The following ZNF385D variants were observed in gnomAD, a reference collection of about 807,000 sequenced individuals.
ZNF385D encodes the protein zinc finger protein 659.
In ZNF385D, 15 loss-of-function variants were observed where a neutral mutation model predicts 35.8. The observed-to-expected ratio is 0.42, with a 90% CI of 0.28 to 0.64. The LOEUF (loss-of-function observed/expected upper bound fraction) is 0.64. ZNF385D is among the 30% of genes least tolerant of loss of function. The probability of loss-of-function intolerance (pLI) is 0.23; values close to 1 mark genes in which losing one functional copy is unlikely to be tolerated. For missense variants in ZNF385D, 474 were observed against 494.6 expected (o/e 0.96, Z 0.39); for synonymous variants, 212 against 186.8 (o/e 1.13, Z -1.10).
chr3:22,307,684 A>G (rs1234887979), intron 2 of ZNF385D, among the ~76,000 whole-genome samples: 6 of 151,504 alleles, frequency 4.0e-5, no homozygotes, highest in South Asian at 2.1e-4. Context: ...ATATTTATTT[A>G]CTTGTTTGTT....
chr3:21,631,183 T>C (rs752113226), intron 2 of ZNF385D, among the ~76,000 whole-genome samples: 2 of 152,168 alleles, frequency 1.3e-5, no homozygotes, highest in Non-Finnish European at 2.9e-5. Flanking sequence ...AATTTCCTTT[T>C]CCACGCTGCA....
intron 1 of ZNF385D, among the ~76,000 whole-genome samples, chr3:21,747,551 C>A (rs2069837323): frequency 6.6e-6 from 1 of 152,228 alleles, no homozygotes; most frequent in Non-Finnish European, 1.5e-5. Context: ...GACATGACCA[C>A]TGGCAACGAC....
At chr3:22,078,541 T>G (rs994951258) in intron 3 of ZNF385D, among the ~76,000 whole-genome samples, 5 of 152,038 alleles carry the variant, frequency 3.3e-5, no homozygotes, top group African/African-American at 1.2e-4. Flanking sequence ...CAACACTGTA[T>G]GAAGAAAATC....
intron 3 of ZNF385D, among the ~76,000 whole-genome samples, chr3:21,905,205 C>CAAAAAAAAAAGAAAAAAA (rs1699613252): frequency 1.4e-5 from 1 of 69,730 alleles, no homozygotes; most frequent in African/African-American, 5.7e-5. Context: ...ACAAAAAATC[C>CAAAAAAAAAAGAAAAAAA]AAAAAAAAAA....
chr3:21,489,365 A>G (rs942495085), intron 4 of ZNF385D, among the ~76,000 whole-genome samples: 40 of 152,140 alleles, frequency 2.6e-4, no homozygotes, highest in African/African-American at 9.4e-4. Context: ...TGGTCCATAG[A>G]CAGAGAAAGC....
chr3:21,791,038 T>G (rs2071906928), intron 3 of ZNF385D, among the ~76,000 whole-genome samples: 1 of 152,224 alleles, frequency 6.6e-6, no homozygotes, highest in Non-Finnish European at 1.5e-5. Context: ...TAGCGCCATT[T>G]CAGAATAACA....
At position 21,896,576 on chromosome 3, in the gene ZNF385D, G is replaced by A. The variant is rs576763663; in HGVS notation, c.326-231548C>T. On this transcript the variant is annotated intron_variant, in intron 3 of 5. Coordinates refer to the ZNF385D transcript ENST00000494108. ...TTATGAACAGGGCAGCACGTCCCTC[G>A]AACCAACAGCTATAAAAGAGCTTCC... Among the ~76,000 whole-genome samples the A allele has an allele frequency of 3.9e-5, 6 of 152,118 alleles. No homozygotes were observed. The South Asian group carries it at 6.2e-4, about 16-fold the overall frequency.
intron 2 of ZNF385D, among the ~76,000 whole-genome samples, chr3:22,336,227 G>C (rs892119421): frequency 1.3e-5 from 2 of 152,054 alleles, no homozygotes; most frequent in African/African-American, 2.4e-5. Flanking sequence ...TTTAAACAAA[G>C]CCGCATTCCA....
At chr3:22,320,793 A>G (rs1304765133) in intron 2 of ZNF385D, among the ~76,000 whole-genome samples, 2 of 151,796 alleles carry the variant, frequency 1.3e-5, no homozygotes, top group African/African-American at 4.8e-5. Context: ...TATAATTTAG[A>G]CAGTTTTAAA....
intron 2 of ZNF385D, among the ~76,000 whole-genome samples, chr3:21,585,230 A>T (rs1444775980): frequency 6.6e-6 from 1 of 152,184 alleles, no homozygotes; most frequent in Non-Finnish European, 1.5e-5. Flanking sequence ...TATTCCATTT[A>T]AATAATAGGC....
At chr3:21,984,622 T>C (rs1694700727) in intron 3 of ZNF385D, among the ~76,000 whole-genome samples, 1 of 99,596 alleles carries the variant, frequency 1.0e-5, no homozygotes, top group Non-Finnish European at 2.0e-5. Flanking sequence ...TTTGTTCTTT[T>C]GGCTTAGGAT....
intron 3 of ZNF385D, among the ~76,000 whole-genome samples, chr3:21,819,705 TAC>T (rs2073312622): frequency 6.8e-6 from 1 of 146,560 alleles, no homozygotes; most frequent in Non-Finnish European, 1.5e-5. Context: ...TGTATATATA[TAC>T]ACGTATATAT....
intron 3 of ZNF385D, among the ~76,000 whole-genome samples, chr3:22,155,546 A>G (rs112865915): frequency 4.6e-5 from 7 of 152,200 alleles, no homozygotes; most frequent in African/African-American, 1.7e-4. Flanking sequence ...AGTAAATAAA[A>G]TGAGACTGAC....
At chr3:22,138,180 T>C (rs556326596) in intron 3 of ZNF385D, among the ~76,000 whole-genome samples, 1 of 152,016 alleles carries the variant, frequency 6.6e-6, no homozygotes, top group African/African-American at 2.4e-5. Flanking sequence ...TACAAACAAA[T>C]GGAAGAACAT....
intron 2 of ZNF385D, among the ~76,000 whole-genome samples, chr3:21,621,554 CGTGTGTGTGTGTGT>C (rs58332425): frequency 2.9e-5 from 4 of 136,904 alleles, no homozygotes; most frequent in East Asian, 4.8e-4. Context: ...AAAAAATTCC[CGTGTGTGTGTGTGT>C]GTGTGTGTGT....
chr3:21,947,787 G>A (rs1423498590), intron 3 of ZNF385D, among the ~76,000 whole-genome samples: 1 of 151,814 alleles, frequency 6.6e-6, no homozygotes, highest in African/African-American at 2.4e-5. Context: ...TTAAATTTAT[G>A]GTTTCAATCA....
chr3:21,642,973 T>C (rs2065650089), intron 2 of ZNF385D, among the ~76,000 whole-genome samples: 1 of 152,032 alleles, frequency 6.6e-6, no homozygotes. Context: ...AATTTCAATT[T>C]TGGAAGATGA....
intron 3 of ZNF385D, among the ~76,000 whole-genome samples, chr3:21,936,119 G>C (rs913737660): frequency 3.9e-5 from 6 of 151,928 alleles, no homozygotes; most frequent in Non-Finnish European, 8.8e-5. Flanking sequence ...AGGTGAGAGA[G>C]GGAGGAGAAG....
chr3:21,996,148 A>G (rs1485805543), intron 3 of ZNF385D, among the ~76,000 whole-genome samples: 1 of 152,058 alleles, frequency 6.6e-6, no homozygotes, highest in East Asian at 1.9e-4. Flanking sequence ...CAGCGTGTGT[A>G]TGGGACCCAG....
Sources: allele counts gnomAD v4.1 joint callset (sites outside exome capture counted in the v4.1 genomes callset), GRCh38; gene constraint gnomAD v4.1.1; transcripts MANE v1.5; gene names NCBI Gene and HGNC (gene_info 2026-07-23, HGNC 2026-07-21).